Variants in SYTL5 observed in about 807,000 individuals in gnomAD.
SYTL5 encodes the protein synaptotagmin-like protein 5.
In SYTL5, 34 loss-of-function variants were observed where a neutral mutation model predicts 55.9. The observed-to-expected ratio is 0.61, with a 90% CI of 0.46 to 0.81. The LOEUF is 0.81. Ranked by LOEUF, SYTL5 falls within the 30% of genes least tolerant of loss-of-function variation. The pLI is 0.00. For missense variants in SYTL5, 637 were observed against 546.7 expected, an observed-to-expected ratio of 1.17 and a Z score of -1.65; for synonymous variants, 221 against 188.7, an observed-to-expected ratio of 1.17 and a Z score of -1.40.
At chrX:37,894,194 CTGT>C in the SYTL5 span, among the ~76,000 whole-genome samples, 2 of 111,394 alleles carry the variant, frequency 1.8e-5, no homozygotes, top group African/African-American at 6.5e-5. Context: ...GTCTATTTAC[CTGT>C]TGTTGGACAT....
chrX:37,951,748 A>G, the SYTL5 span, among the ~76,000 whole-genome samples: 1 of 111,366 alleles, frequency 9.0e-6, no homozygotes, highest in East Asian at 2.8e-4. Context: ...CTAGGGCCAG[A>G]CCTTGAGGGT....
chrX:37,912,906 T>C, the SYTL5 span, among the ~76,000 whole-genome samples: 13 of 112,087 alleles, frequency 1.2e-4, no homozygotes, highest in Non-Finnish European at 2.1e-4. Flanking sequence ...GGTAATGATG[T>C]ATCTAGCAAA....
chrX:38,065,782 A>G (rs1936080377), intron 3 of SYTL5, among the ~76,000 whole-genome samples: 1 of 111,791 alleles, frequency 8.9e-6, no homozygotes, highest in African/African-American at 3.3e-5. Context: ...CCGGGGCATG[A>G]CACATAGTAG....
the SYTL5 span, among the ~76,000 whole-genome samples, chrX:37,966,267 T>G: frequency 1.8e-5 from 2 of 110,460 alleles, no homozygotes; most frequent in Non-Finnish European, 3.8e-5. Flanking sequence ...GTCTCTCTTA[T>G]TTTTGTTTAT....
At chrX:37,919,927 T>C in the SYTL5 span, among the ~76,000 whole-genome samples, 1 of 111,822 alleles carries the variant, frequency 8.9e-6, no homozygotes, top group Non-Finnish European at 1.9e-5. Flanking sequence ...TAAGTATACC[T>C]CGTATCTGTA....
chrX:38,066,944 T>G (rs776835588), intron 3 of SYTL5, among the ~76,000 whole-genome samples: 1 of 111,720 alleles, frequency 9.0e-6, no homozygotes, highest in African/African-American at 3.3e-5. Context: ...ATAGTGAGAA[T>G]TAGAGATACC....
chrX:37,894,325 T>G, the SYTL5 span, among the ~76,000 whole-genome samples: 2 of 111,683 alleles, frequency 1.8e-5, no homozygotes, highest in Non-Finnish European at 3.8e-5. Flanking sequence ...AGTAGAATTG[T>G]TGGGTCATTG....
chrX:38,070,294 A>G (rs978080191), intron 3 of SYTL5, among the ~76,000 whole-genome samples: 1 of 111,241 alleles, frequency 9.0e-6, no homozygotes, highest in Admixed American at 9.6e-5. Context: ...AAGTTGCTGA[A>G]TCAAATGGAT....
chrX:37,960,076 C>T, the SYTL5 span, among the ~76,000 whole-genome samples: 14 of 111,384 alleles, frequency 1.3e-4, no homozygotes, highest in African/African-American at 4.6e-4. Context: ...GAACAGAGAC[C>T]CAAGGCAGCC....
At position 38,094,295 on chromosome X, in the gene SYTL5, G is replaced by A. The variant is rs202086210; in HGVS notation, c.832G>A (p.Glu278Lys). ...TRTVTSVISR[E>K]YGFENSMDLA... ...TTTCTCATTTTTACTTTGTGGGAAGGAGTATGGTTTTGAAAATTCCATGGA... is the reference window on the plus strand; with the variant it reads ...TTTCTCATTTTTACTTTGTGGGAAGAAGTATGGTTTTGAAAATTCCATGGA... The change falls in exon 8 of 17, where the codon GAG (glutamate) becomes AAG (lysine). Residue 278 changes from glutamate (E) to lysine (K), a missense_variant and splice_region_variant. Glu to Lys is a moderately conservative substitution (Grantham distance 56, BLOSUM62 1). Coordinates refer to ENST00000297875, the MANE Select transcript of SYTL5 (RefSeq NM_138780.3). 1.5e-4 allele frequency: 177 copies of A among 1,194,866 alleles called. No homozygotes were observed. The Middle Eastern group carries it at 1.6e-3, about 11-fold the overall frequency.
At chrX:38,116,030 G>T (rs1937480789) in intron 13 of SYTL5, among the ~76,000 whole-genome samples, 1 of 111,550 alleles carries the variant, frequency 9.0e-6, no homozygotes, top group African/African-American at 3.3e-5. Context: ...ATGTTGTGGA[G>T]CTTTTCCCCT....
At chrX:38,102,557 A>G in intron 10 of SYTL5, 123 bp downstream of exon 10, 1 of 508,643 alleles carries the variant, frequency 2.0e-6, no homozygotes, top group Non-Finnish European at 3.4e-6. Flanking sequence ...AGTCATTGTA[A>G]GATCCTGCTT....
chrX:38,073,644 A>T lies in SYTL5; in HGVS notation c.500A>T (p.Asp167Val). The T allele has an allele frequency of 8.3e-7, 1 of 1,200,654 alleles. No homozygotes were observed. Among genetic ancestry groups the T allele is most frequent in the Non-Finnish European group, 1.1e-6 (1 of 890,022 alleles). Reference sequence around the variant, plus strand: ...ACCCGCCAGGATGCAGAAAAGTCAGACACTTCACCTGTTGCTGGGAAGAAG... The same window carrying T: ...ACCCGCCAGGATGCAGAAAAGTCAGTCACTTCACCTGTTGCTGGGAAGAAG... Reference protein sequence around the residue: ...EQTRQDAEKSDTSPVAGKKAS... With the variant: ...EQTRQDAEKSVTSPVAGKKAS... Residue 167 changes from aspartate (D) to valine (V), a missense_variant, in exon 5 of 17, where the codon GAC becomes GTC. Physicochemically the swap from Asp to Val is radical, Grantham distance 152. Coordinates refer to ENST00000297875, the MANE Select transcript of SYTL5 (RefSeq NM_138780.3).
At chrX:38,007,057 C>T (rs1934014740) in intron 1 of SYTL5, among the ~76,000 whole-genome samples, 1 of 111,430 alleles carries the variant, frequency 9.0e-6, no homozygotes, top group African/African-American at 3.3e-5. Context: ...TCTCACACCT[C>T]TCTATATAAA....
In SYTL5 at chrX:38,050,060, A is replaced by G. The variant is rs148348947; in HGVS notation, c.120-4153A>G. 1.0e-2 allele frequency among the ~76,000 whole-genome samples: 1,118 copies of G among 111,809 alleles called. 8 individuals are homozygous for G. Among genetic ancestry groups the G allele is most frequent in the Middle Eastern group, 0.023 (5 of 217 alleles). The stretch of plus-strand genomic sequence containing the variant: ...ACTGTGTAATCCTTGCTTGCTCATT[A>G]TCTCCCTTAGGCCTTGATGTGCTCT... On this transcript the variant is annotated intron_variant, in intron 2 of 16. Transcript: ENST00000297875.
the SYTL5 span, among the ~76,000 whole-genome samples, chrX:37,915,025 A>C: frequency 9.0e-6 from 1 of 111,206 alleles, no homozygotes; most frequent in African/African-American, 3.3e-5. Flanking sequence ...GCCTGTGTCC[A>C]TTTGCCTGTG....
upstream of SYTL5, among the ~76,000 whole-genome samples, chrX:38,003,149 C>G (rs1241351737): frequency 9.0e-6 from 1 of 111,631 alleles, no homozygotes; most frequent in South Asian, 3.8e-4. Context: ...GCTTGTTTTT[C>G]TCAGGTTTGT....
the SYTL5 span, among the ~76,000 whole-genome samples, chrX:37,905,282 A>T: frequency 9.1e-6 from 1 of 110,365 alleles, no homozygotes; most frequent in East Asian, 2.9e-4. Context: ...CTCCACAAGG[A>T]AGGGGGCTCC....
intron 6 of SYTL5, among the ~76,000 whole-genome samples, chrX:38,078,837 A>G (rs190359593): frequency 1.8e-5 from 2 of 112,505 alleles, no homozygotes; most frequent in East Asian, 5.6e-4. Context: ...TTGTAAGCTG[A>G]AAGAAAGTCC....
Sources: allele counts gnomAD v4.1 joint callset (sites outside exome capture counted in the v4.1 genomes callset), GRCh38; gene constraint gnomAD v4.1.1; transcripts MANE v1.5; gene names NCBI Gene and HGNC (gene_info 2026-07-23, HGNC 2026-07-21).